The following TAOK1 variants were observed in gnomAD, a reference collection of about 807,000 sequenced individuals.
TAOK1 encodes the protein serine/threonine-protein kinase TAO1.
A neutral mutation model predicts 138.3 loss-of-function variants in TAOK1; 21 were observed. The observed-to-expected ratio is 0.15, with a 90% CI of 0.11 to 0.22. TAOK1 has a LOEUF of 0.22. Ranked by LOEUF, TAOK1 falls within the 10% of genes least tolerant of loss-of-function variation. The pLI is 1.00. For missense variants in TAOK1, 651 were observed against 1,227.7 expected, an observed-to-expected ratio of 0.53 and a Z score of 7.02; for synonymous variants, 361 against 398.4, an observed-to-expected ratio of 0.91 and a Z score of 1.12.
chr17:29,534,298 A>G lies in TAOK1; in HGVS notation c.2542A>G (p.Lys848Glu), dbSNP rs1165211098. The G allele has an allele frequency of 6.3e-7, 1 of 1,583,138 alleles. No individual in the cohort carries two copies. Among genetic ancestry groups the G allele is most frequent in the South Asian group, 1.2e-5 (1 of 84,620 alleles). The change falls in exon 19 of 20, where the codon AAG becomes GAG. Residue 848 changes from lysine (K) to glutamate (E), a missense_variant and splice_region_variant. Transcript: ENST00000261716. The part of the protein sequence containing the change: ...VSLRRALLEQ[K>E]IEEEMLALQN... Reference sequence around the variant, plus strand: ...CCTCCGGAGGGCACTCTTAGAACAAAAGGTATAAGTAATAGAAGGAAAAAT... The same window carrying G: ...CCTCCGGAGGGCACTCTTAGAACAAGAGGTATAAGTAATAGAAGGAAAAAT...
chr17:29,536,741 C>T (rs1450964837), intron 19 of TAOK1, among the ~76,000 whole-genome samples: 1 of 146,452 alleles, frequency 6.8e-6, no homozygotes, highest in African/African-American at 2.5e-5. Flanking sequence ...GCTGTGTGGC[C>T]CAGGCTGGAG....
chr17:29,519,316 G>C (rs149530514), intron 16 of TAOK1, among the ~76,000 whole-genome samples: 1,632 of 152,094 alleles, frequency 0.011, 12 homozygotes, highest in Non-Finnish European at 0.016. Flanking sequence ...TTTGAGACCA[G>C]CCTGGCCAAC....
chr17:29,455,747 T>C (rs1055570602), intron 2 of TAOK1, among the ~76,000 whole-genome samples: 3 of 150,444 alleles, frequency 2.0e-5, no homozygotes, highest in Non-Finnish European at 4.4e-5. Flanking sequence ...TTTCCTTCAT[T>C]TTATTAATGT....
chr17:29,534,175 C>G lies in TAOK1; in HGVS notation c.2419C>G (p.Gln807Glu). The stretch of plus-strand genomic sequence containing the variant: ...CCAGGTTTTGAAGATGCAGCTGCAG[C>G]AGGAACTGGAGCTGTTGAATGCGTA... ...ECQVLKMQLQ[Q>E]ELELLNAYQS... Residue 807 changes from glutamine to glutamate, a missense_variant, in exon 19 of 20, where the codon CAG becomes GAG. Gln to Glu is a conservative substitution (Grantham distance 29). Transcript: ENST00000261716. 1 of 1,613,096 alleles carries G rather than the reference C, an allele frequency of 6.2e-7. No homozygotes were observed. The highest frequency in any genetic ancestry group is 8.5e-7 in the Non-Finnish European group (1 of 1,179,618).
At chr17:29,400,443 G>A (rs1598464311) in intron 1 of TAOK1, among the ~76,000 whole-genome samples, 2 of 147,400 alleles carry the variant, frequency 1.4e-5, no homozygotes, top group South Asian at 4.3e-4. Flanking sequence ...TACTTACTTT[G>A]TTTATTTAAG....
chr17:29,459,382 A>G (rs1040701436), intron 2 of TAOK1, among the ~76,000 whole-genome samples: 1 of 152,072 alleles, frequency 6.6e-6, no homozygotes, highest in African/African-American at 2.4e-5. Flanking sequence ...GCTGGGTTCA[A>G]GTGATTCTCC....
rs1388310490 is a variant in TAOK1, at chr17:29,427,939, AAAAAG to A, written c.-94-23513_-94-23509del. 8.7e-3 allele frequency among the ~76,000 whole-genome samples: 1,323 copies of A among 151,968 alleles called. 8 individuals carry two copies. Among genetic ancestry groups the A allele is most frequent in the Non-Finnish European group, 0.013 (881 of 67,940 alleles). On this transcript the variant is annotated intron_variant, in intron 1 of 19. Transcript: ENST00000261716. ...AGACTCTGTCTCAAAAAAAAAAAAA[AAAAAG>A]AAGAATAATTTTATTATAAGACTAT...
At chr17:29,523,209 C>T (rs2031950273) in intron 17 of TAOK1, among the ~76,000 whole-genome samples, 1 of 151,176 alleles carries the variant, frequency 6.6e-6, no homozygotes, top group Non-Finnish European at 1.5e-5. Flanking sequence ...GTAAATATGA[C>T]TTGTACAAGA....
In TAOK1 at chr17:29,550,553, G is replaced by A. The variant is rs919756234; in HGVS notation, c.*7531G>A. The A allele has an allele frequency of 2.6e-5, 4 of 152,166 alleles. No individual in the cohort carries two copies. Among genetic ancestry groups the A allele is most frequent in the Non-Finnish European group, 4.4e-5 (3 of 68,026 alleles). The allele number at this position is 152,166 out of a possible 1,614,324, so 9.4% of individuals were successfully genotyped here. A position where few individuals can be genotyped will look rare whatever the true frequency, so the allele number is the denominator to read the frequency against. ...GAAGAGACTATGAGAAATATGTATA[G>A]TGTATATTTTAAAACAGCTTTGCTT... is the stretch of plus-strand genomic sequence containing the variant. On this transcript the variant is annotated 3_prime_UTR_variant, in exon 20 of 20. Transcript: ENST00000261716.
intron 1 of TAOK1, among the ~76,000 whole-genome samples, chr17:29,446,737 CTTTTTTTTTTT>C (rs34871616): frequency 1.7e-5 from 2 of 119,880 alleles, no homozygotes; most frequent in Non-Finnish European, 3.4e-5. Context: ...TTTTACTGTA[CTTTTTTTTTTT>C]TTTTTTTGAG....
intron 10 of TAOK1, among the ~76,000 whole-genome samples, chr17:29,493,081 A>G (rs1325947876): frequency 6.6e-6 from 1 of 151,520 alleles, no homozygotes; most frequent in Non-Finnish European, 1.5e-5. Context: ...CAGAGGTTGC[A>G]ATGAGCCAAG....
At chr17:29,450,109 C>T (rs1017217192) in intron 1 of TAOK1, among the ~76,000 whole-genome samples, 4 of 151,488 alleles carry the variant, frequency 2.6e-5, no homozygotes, top group African/African-American at 4.9e-5. Flanking sequence ...ATCTAACAAA[C>T]AGGGTCTCTC....
intron 3 of TAOK1, among the ~76,000 whole-genome samples, chr17:29,473,591 T>G (rs2030876212): frequency 7.2e-6 from 1 of 138,646 alleles, no homozygotes; most frequent in Non-Finnish European, 1.5e-5. Flanking sequence ...AGAGTGAAAC[T>G]CTCAAAAAAA....
intron 2 of TAOK1, among the ~76,000 whole-genome samples, chr17:29,458,751 G>A (rs1332652016): frequency 6.6e-6 from 1 of 152,056 alleles, no homozygotes; most frequent in African/African-American, 2.4e-5. Flanking sequence ...CTGGAATGCA[G>A]TATTGCAATC....
chr17:29,470,307 C>T (rs1041432726), intron 3 of TAOK1, among the ~76,000 whole-genome samples: 1 of 152,130 alleles, frequency 6.6e-6, no homozygotes, highest in South Asian at 2.1e-4. Context: ...GTGAATAAGG[C>T]TCTTAGTAAA....
intron 18 of TAOK1, among the ~76,000 whole-genome samples, chr17:29,533,676 C>T (rs2032170036): frequency 6.6e-6 from 1 of 151,618 alleles, no homozygotes; most frequent in African/African-American, 2.4e-5. Context: ...CCGTCTCCAC[C>T]AAAAAAATAC....
In TAOK1 at chr17:29,542,998, T is replaced by C. The variant is rs2032345537; in HGVS notation, c.2982T>C (p.Asn994=). The C allele has an allele frequency of 1.2e-6, 2 of 1,604,552 alleles. No homozygotes were observed. Among genetic ancestry groups the C allele is most frequent in the South Asian group, 1.1e-5 (1 of 90,434 alleles). ...CGAGTGTCACTTCACAAATATCCAATGGGTCACACATGTCTTATACATAAC... is the reference window on the plus strand; with the variant it reads ...CGAGTGTCACTTCACAAATATCCAACGGGTCACACATGTCTTATACATAAC... ...RSTSVTSQIS[N]GSHMSYT The change falls in exon 20 of 20, where the codon AAT becomes AAC. Residue 994 remains asparagine (N), a synonymous_variant. Coordinates refer to ENST00000261716, the MANE Select transcript of TAOK1 (RefSeq NM_020791.4).
rs761562887 is a variant in TAOK1 at position 29,480,498 on chromosome 17, C to T, written c.563+17C>T. The T allele has an allele frequency of 6.3e-7, 1 of 1,586,844 alleles. No individual in the cohort carries two copies. Among genetic ancestry groups the T allele is most frequent in the South Asian group, 1.1e-5 (1 of 89,738 alleles). The stretch of plus-strand genomic sequence containing the variant: ...GCCGTATTGGTAAGAATAGTTAAAG[C>T]AGTCAGCAGCTGTTTTAAGTGTCTG... On this transcript the variant is annotated intron_variant, in intron 7 of 19. Transcript: ENST00000261716.
intron 1 of TAOK1, among the ~76,000 whole-genome samples, chr17:29,412,191 C>T (rs1163626275): frequency 2.6e-5 from 4 of 152,068 alleles, no homozygotes; most frequent in Admixed American, 1.3e-4. Context: ...TACAGGCATG[C>T]GCCACCATGC....
Sources: allele counts gnomAD v4.1 joint callset (sites outside exome capture counted in the v4.1 genomes callset), GRCh38; gene constraint gnomAD v4.1.1; transcripts MANE v1.5; gene names NCBI Gene and HGNC (gene_info 2026-07-23, HGNC 2026-07-21).